The following SUGCT variants were observed in gnomAD, a reference collection of about 807,000 sequenced individuals.
SUGCT encodes succinyl-CoA:glutarate CoA-transferase.
In SUGCT, 41 loss-of-function variants were observed where a neutral mutation model predicts 55.0. That is an observed-to-expected ratio of 0.74 (90% CI 0.58 to 0.97). The LOEUF (loss-of-function observed/expected upper bound fraction) is 0.97, where lower values mean the gene tolerates loss of function less well. SUGCT is among the 50% of genes least tolerant of loss of function. SUGCT has a pLI of 0.00. For synonymous variants in SUGCT, 187 were observed against 200.4 expected, an observed-to-expected ratio of 0.93 and a Z score of 0.56; for missense variants, 568 against 547.8, an observed-to-expected ratio of 1.04 and a Z score of -0.37.
chr7:40,898,567 C>A, the SUGCT span, among the ~76,000 whole-genome samples: 1 of 131,566 alleles, frequency 7.6e-6, no homozygotes, highest in Non-Finnish European at 1.6e-5. Flanking sequence ...ACTAAAAATA[C>A]AAAAAATTAT....
chr7:40,888,877 T>C, the SUGCT span, among the ~76,000 whole-genome samples: 8 of 152,220 alleles, frequency 5.3e-5, no homozygotes, highest in Non-Finnish European at 8.8e-5. Context: ...TGTGGCAGTG[T>C]CCACTTCTGT....
At chr7:40,356,780 T>G (rs1466509376) in intron 9 of SUGCT, among the ~76,000 whole-genome samples, 4 of 152,204 alleles carry the variant, frequency 2.6e-5, no homozygotes, top group African/African-American at 9.6e-5. Flanking sequence ...TGCAGTCTAT[T>G]CATAGAAACT....
At chr7:40,931,901 G>GT in the SUGCT span, among the ~76,000 whole-genome samples, 31 of 152,122 alleles carry the variant, frequency 2.0e-4, 1 homozygote, top group East Asian at 4.8e-3. Context: ...TTTTTGAAGG[G>GT]TTTTTTTGTG....
chr7:40,614,839 C>G (rs957117040), intron 12 of SUGCT, among the ~76,000 whole-genome samples: 1 of 152,038 alleles, frequency 6.6e-6, no homozygotes, highest in Non-Finnish European at 1.5e-5. Context: ...GTGGATGGAT[C>G]ACCTGAGTTC....
Position 40,188,595 on chromosome 7 carries a change from C to A in SUGCT, c.312+15C>A. On this transcript the variant is annotated intron_variant, in intron 4 of 13. Coordinates refer to ENST00000335693, the MANE Select transcript of SUGCT (RefSeq NM_001193313.2). The stretch of plus-strand genomic sequence containing the variant: ...GAAATAAAAAAGTAAGAATATCATC[C>A]CTTTTTTGCTTTTTGTGTGTAATTC... 1 of 1,563,772 alleles carries A rather than the reference C, an allele frequency of 6.4e-7. No individual in the cohort carries two copies. The highest frequency in any genetic ancestry group is 8.7e-7 in the Non-Finnish European group (1 of 1,150,828).
chr7:40,437,272 T>C (rs1788229953), intron 9 of SUGCT, among the ~76,000 whole-genome samples: 1 of 152,182 alleles, frequency 6.6e-6, no homozygotes, highest in Non-Finnish European at 1.5e-5. Context: ...CCTACATATG[T>C]TGGATTGGAA....
At chr7:40,951,679 A>G in the SUGCT span, among the ~76,000 whole-genome samples, 2 of 152,136 alleles carry the variant, frequency 1.3e-5, no homozygotes, top group Non-Finnish European at 2.9e-5. Context: ...GTTTCAAAGA[A>G]CATCTTTATT....
chr7:40,766,537 C>T (rs1186826735), intron 13 of SUGCT, among the ~76,000 whole-genome samples: 2 of 152,154 alleles, frequency 1.3e-5, no homozygotes, highest in African/African-American at 4.8e-5. Context: ...TCCTGCAAAT[C>T]TAAATTCCTG....
chr7:40,771,249 A>T (rs1789089031), intron 13 of SUGCT, among the ~76,000 whole-genome samples: 2 of 152,154 alleles, frequency 1.3e-5, no homozygotes, highest in Admixed American at 1.3e-4. Context: ...CTATAAATAC[A>T]GTTTAGAAAG....
intron 12 of SUGCT, among the ~76,000 whole-genome samples, chr7:40,595,879 G>T (rs1797987179): frequency 6.6e-6 from 1 of 152,148 alleles, no homozygotes; most frequent in South Asian, 2.1e-4. Context: ...AGTAGCTTAA[G>T]CAATTTATAT....
intron 12 of SUGCT, among the ~76,000 whole-genome samples, chr7:40,731,605 C>A (rs1584352849): frequency 1.3e-5 from 2 of 152,062 alleles, no homozygotes; most frequent in Admixed American, 6.5e-5. Context: ...TGGTGCATAC[C>A]CACCCCACCC....
intron 9 of SUGCT, among the ~76,000 whole-genome samples, chr7:40,388,780 A>G (rs1017972914): frequency 6.6e-6 from 1 of 152,216 alleles, no homozygotes; most frequent in Non-Finnish European, 1.5e-5. Context: ...ATATTTTCAC[A>G]TCATCATGCT....
At chr7:40,936,372 T>A in the SUGCT span, among the ~76,000 whole-genome samples, 1 of 151,822 alleles carries the variant, frequency 6.6e-6, no homozygotes, top group Non-Finnish European at 1.5e-5. Flanking sequence ...TCAAAAATGT[T>A]GGTATATAAT....
chr7:40,775,071 G>A (rs1046351048), intron 13 of SUGCT, among the ~76,000 whole-genome samples: 2 of 152,008 alleles, frequency 1.3e-5, no homozygotes, highest in Non-Finnish European at 2.9e-5. Flanking sequence ...GTGTTATTGG[G>A]GTTTCTACAC....
chr7:40,649,890 A>T (rs1800691536), intron 12 of SUGCT, among the ~76,000 whole-genome samples: 1 of 152,216 alleles, frequency 6.6e-6, no homozygotes, highest in Non-Finnish European at 1.5e-5. Context: ...ATTGCTGCAT[A>T]ACAAATTATC....
At chr7:40,209,225 C>T (rs377239236) in intron 6 of SUGCT, among the ~76,000 whole-genome samples, 19 of 152,228 alleles carry the variant, frequency 1.2e-4, no homozygotes, top group South Asian at 4.1e-4. Context: ...GGGCCGGATG[C>T]GGTGGCGTGA....
the SUGCT span, among the ~76,000 whole-genome samples, chr7:40,924,370 G>A: frequency 6.6e-6 from 1 of 151,330 alleles, no homozygotes; most frequent in Admixed American, 6.6e-5. Flanking sequence ...CTTCCAAATA[G>A]CTGGGACCAC....
the SUGCT span, among the ~76,000 whole-genome samples, chr7:40,882,885 A>G: frequency 7.9e-5 from 12 of 152,260 alleles, no homozygotes; most frequent in African/African-American, 1.9e-4. Flanking sequence ...GAATTATTCC[A>G]TATTGTTTGG....
In SUGCT at chr7:40,161,389, G is replaced by C. The variant is rs558034631; in HGVS notation, c.101-19558G>C. 3.9e-5 allele frequency among the ~76,000 whole-genome samples: 6 copies of C among 152,134 alleles called. No homozygotes were observed. In the South Asian group the frequency reaches 8.3e-4, roughly 21 times the overall value. On this transcript the variant is annotated intron_variant, in intron 1 of 13. Coordinates refer to ENST00000335693, the MANE Select transcript of SUGCT (RefSeq NM_001193313.2). ...CTCTCTATATTTTTTTGTGTCAAGAGGCTCTTTGTATTCACACTCTTAACA... is the reference window on the plus strand; with the variant it reads ...CTCTCTATATTTTTTTGTGTCAAGACGCTCTTTGTATTCACACTCTTAACA...
Sources: allele counts gnomAD v4.1 joint callset (sites outside exome capture counted in the v4.1 genomes callset), GRCh38; gene constraint gnomAD v4.1.1; transcripts MANE v1.5; gene names NCBI Gene and HGNC (gene_info 2026-07-23, HGNC 2026-07-21).